The following CSMD1 variants were observed in gnomAD, a reference collection of about 807,000 sequenced individuals.
CSMD1 encodes CUB and Sushi multiple domains 1, also known as CUB and sushi domain-containing protein 1.
In CSMD1, 213 loss-of-function variants were observed where a neutral mutation model predicts 417.5. The ratio of observed to expected loss-of-function variants is 0.51; its 90% CI spans 0.46 to 0.57. The LOEUF is 0.57. Among genes scored for constraint, CSMD1 ranks in the 20% least tolerant of loss-of-function variants. CSMD1 has a pLI of 0.00. For synonymous variants in CSMD1, 2,862 were observed against 1,736.8 expected (o/e 1.65, Z -16.11); for missense variants, 6,923 against 4,529.7 (o/e 1.53, Z -15.17).
chr8:4,773,115 T>C lies in CSMD1; in HGVS notation c.86-135557A>G, dbSNP rs184513287. 1.8e-4 allele frequency among the ~76,000 whole-genome samples: 27 copies of C among 152,278 alleles called. No homozygotes were observed. In the East Asian group the frequency reaches 2.5e-3, roughly 14 times the overall value. The stretch of plus-strand genomic sequence containing the variant: ...TCAGATTTGGGAATATTTGCATATA[T>C]ATTACCAGTTGAGTGTCCCTAATTA... On this transcript the variant is annotated intron_variant, in intron 1 of 69. Transcript: ENST00000635120.
chr8:4,605,871 G>A (rs1433034102), intron 2 of CSMD1, among the ~76,000 whole-genome samples: 1 of 152,128 alleles, frequency 6.6e-6, no homozygotes, highest in Non-Finnish European at 1.5e-5. Flanking sequence ...CCAGCCAAAT[G>A]AGGCTGGAGT....
chr8:2,949,714 G>A (rs183683450), intron 67 of CSMD1, among the ~76,000 whole-genome samples: 4 of 152,248 alleles, frequency 2.6e-5, no homozygotes, highest in Admixed American at 6.5e-5. Flanking sequence ...TCTACATTAT[G>A]TAAAACTCAC....
intron 5 of CSMD1, among the ~76,000 whole-genome samples, chr8:3,892,897 A>T (rs1807080581): frequency 6.6e-6 from 1 of 151,794 alleles, no homozygotes; most frequent in South Asian, 2.1e-4. Flanking sequence ...GCAAGCGTTG[A>T]TGTGGACAGA....
At chr8:3,622,358 T>G (rs1161454656) in intron 7 of CSMD1, among the ~76,000 whole-genome samples, 1 of 152,164 alleles carries the variant, frequency 6.6e-6, no homozygotes, top group Non-Finnish European at 1.5e-5. Flanking sequence ...AGACTCTAGC[T>G]TGGTAGTTAA....
chr8:4,017,451 C>T lies in CSMD1; in HGVS notation c.610+14454G>A, dbSNP rs555185798. Among the ~76,000 whole-genome samples the T allele has an allele frequency of 2.4e-4, 36 of 152,176 alleles. No individual in the cohort carries two copies. In the South Asian group the frequency reaches 7.5e-3, roughly 32 times the overall value. On this transcript the variant is annotated intron_variant, in intron 4 of 69. Coordinates refer to ENST00000635120, the MANE Select transcript of CSMD1 (RefSeq NM_033225.6). ...CTTCCTGAGTAGCTAGGATTACAGGCATGCACCAGCATTCCCAGCTAATTT... is the reference window on the plus strand; with the variant it reads ...CTTCCTGAGTAGCTAGGATTACAGGTATGCACCAGCATTCCCAGCTAATTT...
chr8:4,251,109 G>A (rs570575724), intron 3 of CSMD1, among the ~76,000 whole-genome samples: 2 of 152,086 alleles, frequency 1.3e-5, no homozygotes, highest in Admixed American at 6.6e-5. Flanking sequence ...AATTTCTGAA[G>A]GCTACCTATA....
At chr8:3,440,950 T>C (rs938151476) in intron 12 of CSMD1, among the ~76,000 whole-genome samples, 1 of 152,180 alleles carries the variant, frequency 6.6e-6, no homozygotes, top group African/African-American at 2.4e-5. Flanking sequence ...TGATTTTATT[T>C]GGAAAATGGG....
At chr8:4,948,007 C>T (rs982139831) in intron 1 of CSMD1, among the ~76,000 whole-genome samples, 72 of 151,988 alleles carry the variant, frequency 4.7e-4, no homozygotes, top group African/African-American at 1.7e-3. Flanking sequence ...CTTTCTTCCA[C>T]ATGTCAGCTT....
intron 12 of CSMD1, among the ~76,000 whole-genome samples, chr8:3,441,185 T>A (rs1814960330): frequency 6.6e-6 from 1 of 152,070 alleles, no homozygotes; most frequent in Non-Finnish European, 1.5e-5. Flanking sequence ...TGGGAATGGT[T>A]TCTCTCCCCG....
intron 5 of CSMD1, among the ~76,000 whole-genome samples, chr8:3,947,259 G>C (rs1056256555): frequency 2.6e-5 from 4 of 152,042 alleles, no homozygotes; most frequent in African/African-American, 7.2e-5. Context: ...TTTATCTAAT[G>C]TTCTTTCCAC....
Position 4,928,171 on chromosome 8 carries a change from C to G in CSMD1, c.85+66161G>C, listed in dbSNP as rs375288334. 2.2e-4 allele frequency among the ~76,000 whole-genome samples: 34 copies of G among 152,262 alleles called. No individual in the cohort carries two copies. In the East Asian group the frequency reaches 5.8e-3, roughly 26 times the overall value. ...GACGCACACATAGACTTTCCCGTTG[C>G]CATTGGCACTGCCTGGAGTGCCCGT... On this transcript the variant is annotated intron_variant, in intron 1 of 69. Coordinates refer to ENST00000635120, the MANE Select transcript of CSMD1 (RefSeq NM_033225.6).
intron 11 of CSMD1, among the ~76,000 whole-genome samples, chr8:3,474,570 T>C (rs532103987): frequency 6.6e-6 from 1 of 152,290 alleles, no homozygotes; most frequent in East Asian, 1.9e-4. Context: ...ATTAGGAGTG[T>C]TTTGGTCTTT....
At chr8:3,369,766 G>A (rs1293659812) in intron 18 of CSMD1, among the ~76,000 whole-genome samples, 1 of 151,926 alleles carries the variant, frequency 6.6e-6, no homozygotes, top group Admixed American at 6.6e-5. Context: ...ACTCATTTTG[G>A]AAAAAAAGAA....
rs1481800538 is a variant in CSMD1 at position 4,630,035 on chromosome 8, G to T, written c.302+7307C>A. On this transcript the variant is annotated intron_variant, in intron 2 of 69. Transcript: ENST00000635120. ...CTGCCCATATTAGTATGGTTTTGCT[G>T]CTTTTTAAAAAAAGCCAAGATATGG... is the stretch of plus-strand genomic sequence containing the variant. 2.0e-5 allele frequency among the ~76,000 whole-genome samples: 3 copies of T among 151,994 alleles called. No individual in the cohort carries two copies. In the East Asian group the frequency reaches 5.8e-4, roughly 29 times the overall value.
rs150908771 is a variant in CSMD1 at position 4,204,407 on chromosome 8, G to C, written c.416-172308C>G. Among the ~76,000 whole-genome samples, 127 of 152,222 alleles carry C rather than the reference G, an allele frequency of 8.3e-4. 1 individual carries two copies. In the East Asian group the frequency reaches 0.014, roughly 17 times the overall value. On this transcript the variant is annotated intron_variant, in intron 3 of 69. Coordinates refer to ENST00000635120, the MANE Select transcript of CSMD1 (RefSeq NM_033225.6). ...TCTGTTCTACAAATTAGGAAAGATA[G>C]AAACCCAACCCATAAGCTAATTCCA...
chr8:3,803,506 G>A (rs1800570131), intron 5 of CSMD1, among the ~76,000 whole-genome samples: 2 of 152,286 alleles, frequency 1.3e-5, no homozygotes, highest in South Asian at 2.1e-4. Context: ...AAGAGCCCAT[G>A]CACAGAAAAC....
intron 15 of CSMD1, among the ~76,000 whole-genome samples, chr8:3,400,854 A>G (rs964310267): frequency 2.0e-5 from 3 of 151,292 alleles, no homozygotes; most frequent in African/African-American, 7.3e-5. Context: ...TTATTTTTAT[A>G]CCTATGCATT....
intron 3 of CSMD1, among the ~76,000 whole-genome samples, chr8:4,383,808 C>T (rs563856656): frequency 2.0e-5 from 3 of 151,636 alleles, no homozygotes; most frequent in Non-Finnish European, 2.9e-5. Flanking sequence ...ATATATAATA[C>T]CAAATTATTG....
chr8:4,014,715 C>T (rs1361360658), intron 4 of CSMD1, among the ~76,000 whole-genome samples: 1 of 152,202 alleles, frequency 6.6e-6, no homozygotes, highest in Non-Finnish European at 1.5e-5. Flanking sequence ...TGACAAAGTC[C>T]TTGCTGGTAA....
Sources: allele counts gnomAD v4.1 joint callset (sites outside exome capture counted in the v4.1 genomes callset), GRCh38; gene constraint gnomAD v4.1.1; transcripts MANE v1.5; gene names NCBI Gene and HGNC (gene_info 2026-07-23, HGNC 2026-07-21).